Variants in ITGA9 observed in about 807,000 individuals in gnomAD.
ITGA9 encodes the protein integrin subunit alpha 9.
ITGA9 carries 56 observed loss-of-function variants against 127.8 expected under a neutral mutation model. The ratio of observed to expected loss-of-function variants is 0.44; its 90% CI spans 0.35 to 0.55. The LOEUF (loss-of-function observed/expected upper bound fraction) is 0.55, where lower values mean the gene tolerates loss of function less well. ITGA9 is among the 20% of genes least tolerant of loss of function. The pLI is 0.00. For synonymous variants in ITGA9, 508 were observed against 514.5 expected (o/e 0.99, Z 0.17); for missense variants, 1,196 against 1,347.1 (o/e 0.89, Z 1.76).
Position 37,779,906 on chromosome 3 carries a change from G to C in ITGA9, c.2672G>C (p.Cys891Ser), listed in dbSNP as rs763237725. ...TTTTCTGACTTTTCTTCTCAGGACT[G>C]TGAAAAACCAGGAATTTCTTGCCTA... ...FTKSGRKVLD[C>S]EKPGISCLTA... Residue 891 changes from cysteine (C) to serine (S), a missense_variant, in exon 25 of 28, where the codon TGT becomes TCT. Physicochemically the swap from Cys to Ser is moderately radical, Grantham distance 112. Coordinates refer to ENST00000264741, the MANE Select transcript of ITGA9 (RefSeq NM_002207.3). 6.2e-7 allele frequency: 1 copy of C among 1,613,936 alleles called. No individual in the cohort carries two copies. The highest frequency in any genetic ancestry group is 1.1e-5 in the South Asian group (1 of 91,076).
At chr3:37,569,956 A>G (rs1032880599) in intron 15 of ITGA9, among the ~76,000 whole-genome samples, 2 of 152,266 alleles carry the variant, frequency 1.3e-5, no homozygotes, top group East Asian at 3.8e-4. Flanking sequence ...GGGATATGCA[A>G]CGTGTACTTC....
chr3:37,653,839 G>A (rs1700451765), intron 17 of ITGA9, 49 bp downstream of exon 17: 2 of 1,402,794 alleles, frequency 1.4e-6, no homozygotes, highest in African/African-American at 2.8e-5. Flanking sequence ...CCTTTTTCTT[G>A]ACCCCAGGTC....
intron 23 of ITGA9, among the ~76,000 whole-genome samples, chr3:37,764,110 A>G (rs1194301804): frequency 6.6e-6 from 1 of 152,156 alleles, no homozygotes; most frequent in South Asian, 2.1e-4. Flanking sequence ...TCCATGCCCC[A>G]TGACCCTTTC....
At chr3:37,779,548 G>T (rs911170010) in intron 24 of ITGA9, among the ~76,000 whole-genome samples, 1 of 152,138 alleles carries the variant, frequency 6.6e-6, no homozygotes, top group African/African-American at 2.4e-5. Context: ...TGTAGGAAAC[G>T]TGTCTGTGTT....
At position 37,523,688 on chromosome 3, in the gene ITGA9, A is replaced by T. The variant is rs895245254; in HGVS notation, c.1327+77A>T. 1.1e-5 allele frequency: 11 copies of T among 1,015,628 alleles called. No homozygotes were observed. In the African/African-American group the frequency reaches 1.1e-4, roughly 10 times the overall value. 62.9% of individuals were successfully genotyped at this position (1,015,628 alleles called of 1,614,324 possible). A position where few individuals can be genotyped will look rare whatever the true frequency, so the allele number is the denominator to read the frequency against. On this transcript the variant is annotated intron_variant, in intron 12 of 27. Coordinates refer to ENST00000264741, the MANE Select transcript of ITGA9 (RefSeq NM_002207.3). ...AAGTAGAATAATTTTCAGTCTGGTT[A>T]GCAATCATCACATCCATTTAGGATT...
At chr3:37,748,811 C>A in intron 22 of ITGA9, 2 of 863,678 alleles carry the variant, frequency 2.3e-6, no homozygotes, top group Non-Finnish European at 3.9e-6. Flanking sequence ...ACTGAAGCAC[C>A]AGCCTGCACC....
chr3:37,627,406 G>A (rs113365453), intron 15 of ITGA9, among the ~76,000 whole-genome samples: 5,917 of 152,038 alleles, frequency 0.039, 351 homozygotes, highest in African/African-American at 0.13. Context: ...GAGATTTCCA[G>A]TCTGCCCTCC....
chr3:37,650,708 G>C (rs142197171), intron 16 of ITGA9, among the ~76,000 whole-genome samples: 1 of 152,120 alleles, frequency 6.6e-6, no homozygotes, highest in Admixed American at 6.5e-5. Context: ...TGGGATTACA[G>C]GTGTGAGCCA....
intron 17 of ITGA9, among the ~76,000 whole-genome samples, chr3:37,655,271 C>T (rs1012525717): frequency 2.6e-5 from 4 of 152,246 alleles, no homozygotes; most frequent in Non-Finnish European, 5.9e-5. Flanking sequence ...AATTGCCACA[C>T]TGTTTTCCAC....
chr3:37,679,732 T>G (rs1481618829), intron 17 of ITGA9, among the ~76,000 whole-genome samples: 1 of 152,118 alleles, frequency 6.6e-6, no homozygotes, highest in East Asian at 1.9e-4. Context: ...CCACGGTGCT[T>G]AGTTATTTAT....
chr3:37,560,731 C>T (rs1699478941), intron 15 of ITGA9, among the ~76,000 whole-genome samples: 1 of 152,018 alleles, frequency 6.6e-6, no homozygotes. Flanking sequence ...TTTCTAGTAG[C>T]CACATTGAAA....
chr3:37,614,468 G>T (rs1242481985), intron 15 of ITGA9, among the ~76,000 whole-genome samples: 1 of 152,112 alleles, frequency 6.6e-6, no homozygotes, highest in Non-Finnish European at 1.5e-5. Flanking sequence ...GGTTCCATAT[G>T]AACTTGAAAG....
At chr3:37,788,584 A>G (rs189476935) in intron 26 of ITGA9, among the ~76,000 whole-genome samples, 5 of 152,314 alleles carry the variant, frequency 3.3e-5, no homozygotes, top group Middle Eastern at 3.4e-3. Context: ...TCCCACAAGC[A>G]GTAATATATT....
At chr3:37,707,766 T>C (rs1701023234) in intron 18 of ITGA9, among the ~76,000 whole-genome samples, 1 of 152,234 alleles carries the variant, frequency 6.6e-6, no homozygotes, top group Admixed American at 6.5e-5. Flanking sequence ...TTTTCACCTA[T>C]GGATGTCAGT....
At chr3:37,728,157 C>T (rs1411446452) in intron 18 of ITGA9, among the ~76,000 whole-genome samples, 1 of 152,118 alleles carries the variant, frequency 6.6e-6, no homozygotes, top group East Asian at 1.9e-4. Flanking sequence ...TAAGTTAAAG[C>T]CAGTGTAGGC....
chr3:37,635,710 A>G (rs1700270985), intron 16 of ITGA9, among the ~76,000 whole-genome samples: 1 of 151,550 alleles, frequency 6.6e-6, no homozygotes, highest in Non-Finnish European at 1.5e-5. Context: ...TACATGTGCC[A>G]TGTTGGTGTG....
chr3:37,547,339 T>G (rs1173137383), intron 15 of ITGA9, among the ~76,000 whole-genome samples: 1 of 152,200 alleles, frequency 6.6e-6, no homozygotes, highest in Non-Finnish European at 1.5e-5. Flanking sequence ...TCCTTGCTTT[T>G]GTGGGCAGAT....
intron 5 of ITGA9, among the ~76,000 whole-genome samples, chr3:37,500,565 G>A (rs543795132): frequency 6.6e-6 from 1 of 152,260 alleles, no homozygotes; most frequent in Admixed American, 6.5e-5. Flanking sequence ...TTGCCTGCAG[G>A]CTCTATCCTC....
chr3:37,661,463 C>T (rs895156639), intron 17 of ITGA9, among the ~76,000 whole-genome samples: 1 of 152,172 alleles, frequency 6.6e-6, no homozygotes, highest in Non-Finnish European at 1.5e-5. Flanking sequence ...TTCATTGATA[C>T]TTAGATAACA....
Sources: allele counts gnomAD v4.1 joint callset (sites outside exome capture counted in the v4.1 genomes callset), GRCh38; gene constraint gnomAD v4.1.1; transcripts MANE v1.5; gene names NCBI Gene and HGNC (gene_info 2026-07-23, HGNC 2026-07-21).